DYNAP: variants seen among roughly 807,000 people sequenced by gnomAD.
DYNAP encodes the protein dynactin associated protein, also known as dynactin-associated protein.
In DYNAP, 7 loss-of-function variants were observed where a neutral mutation model predicts 8.5. The ratio of observed to expected loss-of-function variants is 0.82; its 90% CI spans 0.47 to 1.54. The LOEUF is 1.54. DYNAP is among the 40% of genes most tolerant of loss of function. DYNAP has a pLI of 0.01. For missense variants in DYNAP, 256 were observed against 224.3 expected (o/e 1.14, Z -0.90); for synonymous variants, 77 against 77.9 (o/e 0.99, Z 0.06).
intron 1 of DYNAP, among the ~76,000 whole-genome samples, chr18:54,592,788 C>T (rs1281318368): frequency 1.3e-5 from 2 of 152,126 alleles, no homozygotes; most frequent in Admixed American, 1.3e-4. Flanking sequence ...ACTTAGGCTG[C>T]AAACTGGGCC....
chr18:54,577,008 G>T, the DYNAP span, among the ~76,000 whole-genome samples: 1 of 152,116 alleles, frequency 6.6e-6, no homozygotes, highest in Non-Finnish European at 1.5e-5. Flanking sequence ...TTTATGTAGA[G>T]TATCTTTGGA....
upstream of DYNAP, among the ~76,000 whole-genome samples, chr18:54,590,886 G>C (rs1392683925): frequency 1.1e-4 from 16 of 152,094 alleles, no homozygotes; most frequent in Admixed American, 1.0e-3. Flanking sequence ...AGGGGAGAGA[G>C]GCTTTTGTGC....
upstream of DYNAP, among the ~76,000 whole-genome samples, chr18:54,583,518 C>T (rs187561920): frequency 7.2e-5 from 11 of 152,316 alleles, 1 homozygote; most frequent in Admixed American, 7.2e-4. Context: ...TGAATGTTAA[C>T]TGCCAATCCA....
intron 2 of DYNAP, among the ~76,000 whole-genome samples, chr18:54,597,192 TCAA>T (rs762544640): frequency 4.6e-5 from 7 of 151,942 alleles, no homozygotes; most frequent in Admixed American, 2.6e-4. Context: ...TTTAATCTTC[TCAA>T]CAACAATATG....
At chr18:54,577,602 C>CAAAAAAAAA in the DYNAP span, among the ~76,000 whole-genome samples, 1 of 66,314 alleles carries the variant, frequency 1.5e-5, no homozygotes, top group African/African-American at 4.6e-5. Context: ...AATCTTGTTT[C>CAAAAAAAAA]AAAAAAAAAA....
the DYNAP span, among the ~76,000 whole-genome samples, chr18:54,580,755 T>C: frequency 6.6e-6 from 1 of 152,228 alleles, no homozygotes; most frequent in African/African-American, 2.4e-5. Flanking sequence ...CCTGAAGCAA[T>C]GGCCAACAAT....
Position 54,597,928 on chromosome 18 carries a change from A to G in DYNAP, c.338A>G (p.Lys113Arg). The change falls in exon 3 of 3, where the codon AAA becomes AGA. Residue 113 changes from lysine (K) to arginine (R), a missense_variant. Lys to Arg is a conservative substitution (Grantham distance 26). Coordinates refer to ENST00000648945, the MANE Select transcript of DYNAP (RefSeq NM_173629.3). ...CTTATAATATGCTTGGTGAATAACAAAGGATCGGCCAATTCCTCCATTGTT... is the reference window on the plus strand; with the variant it reads ...CTTATAATATGCTTGGTGAATAACAGAGGATCGGCCAATTCCTCCATTGTT... ...GVLIICLVNNKGSANSSIVIQ... is the reference protein window; with the variant it reads ...GVLIICLVNNRGSANSSIVIQ... 2 of 1,613,626 alleles carry G rather than the reference A, an allele frequency of 1.2e-6. No homozygotes were observed. Among genetic ancestry groups the G allele is most frequent in the Non-Finnish European group, 1.7e-6 (2 of 1,179,766 alleles).
the DYNAP span, among the ~76,000 whole-genome samples, chr18:54,575,971 T>C: frequency 6.6e-6 from 1 of 152,232 alleles, no homozygotes; most frequent in Admixed American, 6.5e-5. Context: ...TCTGATTACT[T>C]TTGTTCATTC....
chr18:54,580,246 A>T, the DYNAP span, among the ~76,000 whole-genome samples: 1 of 152,212 alleles, frequency 6.6e-6, no homozygotes, highest in Non-Finnish European at 1.5e-5. Context: ...GGGCTGCAAC[A>T]TTTGTGACAA....
chr18:54,584,085 A>G (rs1013147998), upstream of DYNAP, among the ~76,000 whole-genome samples: 3 of 152,018 alleles, frequency 2.0e-5, no homozygotes, highest in African/African-American at 7.2e-5. Context: ...AAATTTGACA[A>G]TACTAAGTAT....
At chr18:54,591,808 G>A (rs115664154) in intron 1 of DYNAP, among the ~76,000 whole-genome samples, 1,657 of 152,154 alleles carry the variant, frequency 0.011, 30 homozygotes, top group African/African-American at 0.038. Flanking sequence ...TACCTGCTCT[G>A]TGTCAAAATA....
chr18:54,595,611 A>G (rs1405692488), intron 2 of DYNAP, among the ~76,000 whole-genome samples: 1 of 152,094 alleles, frequency 6.6e-6, no homozygotes, highest in Non-Finnish European at 1.5e-5. Flanking sequence ...ACCTTAACAC[A>G]GAAACCTTAC....
the DYNAP span, among the ~76,000 whole-genome samples, chr18:54,575,920 G>C: frequency 8.4e-3 from 1,274 of 152,000 alleles, 10 homozygotes; most frequent in Middle Eastern, 0.044. Flanking sequence ...ACTTCTCCCA[G>C]CCCACTCTGA....
upstream of DYNAP, among the ~76,000 whole-genome samples, chr18:54,584,299 T>C (rs1459325244): frequency 6.7e-6 from 1 of 148,550 alleles, no homozygotes; most frequent in East Asian, 1.9e-4. Flanking sequence ...ATAATTAATA[T>C]AAATATTTAA....
At position 54,598,126 on chromosome 18, in the gene DYNAP, C is replaced by T. The variant is rs141877851; in HGVS notation, c.536C>T (p.Ala179Val). 1.9e-6 allele frequency: 3 copies of T among 1,609,990 alleles called. No homozygotes were observed. Among genetic ancestry groups the T allele is most frequent in the Non-Finnish European group, 1.7e-6 (2 of 1,177,566 alleles). ...ATTSTEPITV[A>V]PTDHL ...ACTTCCACAGAACCTATAACTGTTG[C>T]ACCTACCGATCATTTATAATTTGAA... The change falls in exon 3 of 3, where the codon GCA becomes GTA. Residue 179 changes from alanine to valine, a missense_variant. Physicochemically the swap from Ala to Val is moderately conservative, Grantham distance 64. Transcript: ENST00000648945.
Position 54,591,300 on chromosome 18 carries a change from A to G in DYNAP, c.18A>G (p.Gly6=). 6.2e-7 allele frequency: 1 copy of G among 1,612,460 alleles called. No homozygotes were observed. Among genetic ancestry groups the G allele is most frequent in the Non-Finnish European group, 8.5e-7 (1 of 1,179,072 alleles). Residue 6 remains glycine (G), a synonymous_variant, in exon 1 of 3, where the codon GGA becomes GGG. Coordinates refer to ENST00000648945, the MANE Select transcript of DYNAP (RefSeq NM_173629.3). MDRKH[G]KYILNVEHSE... is the part of the protein sequence containing the mutation. ...GCTCAAGAATGGACAGAAAGCATGG[A>G]AAATACATATTGAACGTTGAGCACT...
At chr18:54,595,707 C>T (rs529222244) in intron 2 of DYNAP, among the ~76,000 whole-genome samples, 1 of 152,254 alleles carries the variant, frequency 6.6e-6, no homozygotes, top group East Asian at 1.9e-4. Context: ...GCTGAATGAA[C>T]TTTACCTCAC....
At chr18:54,589,615 G>A (rs368817793), upstream of DYNAP, among the ~76,000 whole-genome samples, 359 of 152,110 alleles carry the variant, frequency 2.4e-3, 4 homozygotes, top group South Asian at 0.03. Flanking sequence ...CTGCTTGGCC[G>A]GTTAGAGATG....
At chr18:54,587,921 C>T, upstream of DYNAP, 1 of 400,322 alleles carries the variant, frequency 2.5e-6, no homozygotes, top group East Asian at 3.6e-5. Context: ...TATACAGTTG[C>T]CTTTTATTCT....
Sources: allele counts gnomAD v4.1 joint callset (sites outside exome capture counted in the v4.1 genomes callset), GRCh38; gene constraint gnomAD v4.1.1; transcripts MANE v1.5; gene names NCBI Gene and HGNC (gene_info 2026-07-23, HGNC 2026-07-21).